Variants in TTC29 observed in about 807,000 individuals in gnomAD.
The protein encoded by TTC29 is tetratricopeptide repeat protein 29.
A neutral mutation model predicts 58.1 loss-of-function variants in TTC29; 49 were observed. That is an observed-to-expected ratio of 0.84 (90% confidence interval 0.67 to 1.07). The LOEUF (loss-of-function observed/expected upper bound fraction) is 1.07, where lower values mean the gene tolerates loss of function less well. Among genes scored for constraint, TTC29 ranks in the 50% least tolerant of loss-of-function variants. The probability of loss-of-function intolerance (pLI) is 0.00; values close to 1 mark genes in which losing one functional copy is unlikely to be tolerated. For synonymous variants in TTC29, 209 were observed against 196.8 expected, an observed-to-expected ratio of 1.06 and a Z score of -0.52; for missense variants, 582 against 555.6, an observed-to-expected ratio of 1.05 and a Z score of -0.48.
intron 11 of TTC29, among the ~76,000 whole-genome samples, chr4:146,763,086 A>C (rs1193127967): frequency 6.6e-6 from 1 of 151,458 alleles, no homozygotes; most frequent in Non-Finnish European, 1.5e-5. Flanking sequence ...AACTTCTCTC[A>C]CCTCTCTTTA....
chr4:146,863,490 A>C (rs914423595), intron 8 of TTC29, among the ~76,000 whole-genome samples: 1 of 152,352 alleles, frequency 6.6e-6, no homozygotes, highest in South Asian at 2.1e-4. Context: ...GAGAAACAGA[A>C]GCAATAGGAT....
intron 6 of TTC29, among the ~76,000 whole-genome samples, chr4:146,891,305 GTTAA>G (rs1732344159): frequency 6.6e-6 from 1 of 152,110 alleles, no homozygotes; most frequent in African/African-American, 2.4e-5. Context: ...CTTAAAAAAT[GTTAA>G]TTACTCTTGT....
chr4:146,707,079 C>A lies in TTC29; in HGVS notation c.*79G>T. 2 of 1,067,114 alleles carry A rather than the reference C, an allele frequency of 1.9e-6. No homozygotes were observed. The highest frequency in any genetic ancestry group is 2.6e-6 in the Non-Finnish European group (2 of 756,526). The allele number at this position is 1,067,114 out of a possible 1,614,324, so 66.1% of individuals were successfully genotyped here. On this transcript the variant is annotated 3_prime_UTR_variant, in exon 13 of 13. Transcript: ENST00000325106. Reference sequence around the variant, plus strand: ...TATTATAACTCTATATTATCTGTAACATGCTCCTATTACAAGTATTGAAGT... The same window carrying A: ...TATTATAACTCTATATTATCTGTAAAATGCTCCTATTACAAGTATTGAAGT...
At chr4:146,807,527 A>T (rs1367101515) in intron 10 of TTC29, among the ~76,000 whole-genome samples, 2 of 152,202 alleles carry the variant, frequency 1.3e-5, no homozygotes, top group Non-Finnish European at 2.9e-5. Flanking sequence ...AGAAGAATCA[A>T]ATAGATGCAA....
At chr4:146,729,429 G>T (rs182401481) in intron 11 of TTC29, among the ~76,000 whole-genome samples, 1 of 151,938 alleles carries the variant, frequency 6.6e-6, no homozygotes, top group East Asian at 1.9e-4. Flanking sequence ...ACTTTTTTCC[G>T]AGTTCATTTT....
intron 11 of TTC29, among the ~76,000 whole-genome samples, chr4:146,752,550 A>G (rs1475779321): frequency 6.6e-6 from 1 of 151,778 alleles, no homozygotes; most frequent in Non-Finnish European, 1.5e-5. Flanking sequence ...GGAAAAAACT[A>G]CTTTAAAGTT....
chr4:146,786,729 AAAG>A (rs1466734254), intron 11 of TTC29, among the ~76,000 whole-genome samples: 1 of 152,244 alleles, frequency 6.6e-6, no homozygotes, highest in African/African-American at 2.4e-5. Context: ...CTAAGAATGC[AAAG>A]AAGTGACCAC....
At chr4:146,884,230 C>T (rs1304345402) in intron 6 of TTC29, among the ~76,000 whole-genome samples, 1 of 152,128 alleles carries the variant, frequency 6.6e-6, no homozygotes, top group Non-Finnish European at 1.5e-5. Flanking sequence ...ATCAAATTCA[C>T]TTTCATTCAA....
chr4:146,843,185 C>T (rs975044734), intron 8 of TTC29, among the ~76,000 whole-genome samples: 9 of 150,976 alleles, frequency 6.0e-5, no homozygotes, highest in African/African-American at 2.2e-4. Context: ...TAGCAGTGGC[C>T]CCACATCACT....
chr4:146,853,520 C>CT (rs1220345614), intron 8 of TTC29, among the ~76,000 whole-genome samples: 1 of 151,900 alleles, frequency 6.6e-6, no homozygotes, highest in African/African-American at 2.4e-5. Flanking sequence ...TTTACATTTA[C>CT]TTTTTTTCTG....
In TTC29 at chr4:146,903,722, G is replaced by A. The variant is rs1216978312; in HGVS notation, c.408C>T (p.Phe136=). The stretch of plus-strand genomic sequence containing the variant: ...CATACAAGTTATTATGTACATCTTC[G>A]AAGGATTCTTCAAAGAGAGAAAAGC... ...RAEDAERKES[F]EDVHNNLYAL... is the part of the protein sequence containing the mutation. The change falls in exon 6 of 13, where the codon TTC becomes TTT. Residue 136 remains phenylalanine, a synonymous_variant. Transcript: ENST00000325106. The A allele has an allele frequency of 1.9e-6, 3 of 1,569,756 alleles. No individual in the cohort carries two copies. The highest frequency in any genetic ancestry group is 1.4e-5 in the African/African-American group (1 of 72,862).
At chr4:146,777,491 G>T (rs1748199092) in intron 11 of TTC29, among the ~76,000 whole-genome samples, 1 of 151,872 alleles carries the variant, frequency 6.6e-6, no homozygotes, top group African/African-American at 2.4e-5. Context: ...AACTAAGATG[G>T]CATTTTAGAA....
At chr4:146,941,162 T>G (rs1197673001) in intron 2 of TTC29, among the ~76,000 whole-genome samples, 1 of 152,176 alleles carries the variant, frequency 6.6e-6, no homozygotes, top group African/African-American at 2.4e-5. Flanking sequence ...AAAGAACCCA[T>G]GCTTCTGTTA....
At chr4:146,753,351 G>A (rs1236847303) in intron 11 of TTC29, among the ~76,000 whole-genome samples, 3 of 152,176 alleles carry the variant, frequency 2.0e-5, no homozygotes, top group Non-Finnish European at 4.4e-5. Context: ...ACCACAATGA[G>A]ATACCATCTC....
At chr4:146,794,308 G>GA (rs565367102) in intron 11 of TTC29, among the ~76,000 whole-genome samples, 1 of 152,010 alleles carries the variant, frequency 6.6e-6, no homozygotes, top group Non-Finnish European at 1.5e-5. Flanking sequence ...AGATTTTAAT[G>GA]AAAAAATATT....
intron 6 of TTC29, among the ~76,000 whole-genome samples, chr4:146,891,497 A>G (rs1021379681): frequency 2.6e-5 from 4 of 152,130 alleles, no homozygotes; most frequent in African/African-American, 9.7e-5. Context: ...ATATTATCTA[A>G]GTCAATGCAG....
chr4:146,728,656 C>CTA (rs1411800209), intron 11 of TTC29, among the ~76,000 whole-genome samples: 7 of 148,232 alleles, frequency 4.7e-5, no homozygotes, highest in East Asian at 2.0e-4. Flanking sequence ...TACTCTCTCT[C>CTA]TCTCTATATA....
chr4:146,830,456 C>T (rs1281926436), intron 9 of TTC29, among the ~76,000 whole-genome samples: 2 of 152,164 alleles, frequency 1.3e-5, no homozygotes, highest in African/African-American at 4.8e-5. Context: ...ATTCACCATT[C>T]ATGCACGCTC....
At chr4:146,749,971 T>C (rs1745854244) in intron 11 of TTC29, among the ~76,000 whole-genome samples, 1 of 152,158 alleles carries the variant, frequency 6.6e-6, no homozygotes, top group South Asian at 2.1e-4. Flanking sequence ...TAAAGTCTTT[T>C]TCAGATAAAC....
Sources: gnomAD v4.1 joint callset for allele counts (sites outside exome capture counted in the v4.1 genomes callset) on GRCh38, gnomAD v4.1.1 for gene constraint, MANE v1.5 for transcripts, NCBI Gene and HGNC (gene_info 2026-07-23, HGNC 2026-07-21) for gene names.